The following RCC1 variants were observed in gnomAD, a reference collection of about 807,000 sequenced individuals.
The protein encoded by RCC1 is regulator of chromosome condensation.
A neutral mutation model predicts 44.4 loss-of-function variants in RCC1; 11 were observed. That is an observed-to-expected ratio of 0.25 (90% CI 0.16 to 0.41). RCC1 has a LOEUF of 0.41. Ranked by LOEUF, RCC1 falls within the 10% of genes least tolerant of loss-of-function variation. The pLI is 1.00. For synonymous variants in RCC1, 213 were observed against 216.5 expected (o/e 0.98, Z 0.14); for missense variants, 386 against 547.1 (o/e 0.71, Z 2.94).
chr1:28,513,576 G>A (rs1662688669), intron 3 of RCC1, among the ~76,000 whole-genome samples: 1 of 151,920 alleles, frequency 6.6e-6, no homozygotes, highest in Non-Finnish European at 1.5e-5. Flanking sequence ...GGAGTGTTTA[G>A]GCTATTTACT....
In RCC1 at chr1:28,536,905, TGGGGCTGCCTACACTCTGTCTAGTTGG is replaced by T. The variant is rs779453328; in HGVS notation, c.1090+8_1090+34del. The T allele has an allele frequency of 6.2e-7, 1 of 1,613,252 alleles. No homozygotes were observed. Among genetic ancestry groups the T allele is most frequent in the South Asian group, 1.1e-5 (1 of 91,026 alleles). Reference sequence around the variant, plus strand: ...GTATGCTGTGACCAAGGATGGTGAGTGGGGCTGCCTACACTCTGTCTAGTTGGGACCTGGGGGTCATGGTTCTTACCC... The same window carrying T: ...GTATGCTGTGACCAAGGATGGTGAGTGACCTGGGGGTCATGGTTCTTACCC... On this transcript the variant is annotated splice_region_variant and intron_variant, in intron 12 of 12. Transcript: ENST00000683442. The surrounding 1 kb of genome is among the most constrained non-coding windows in gnomAD (Gnocchi z 4.9).
At chr1:28,525,251 C>T (rs1290036495) in intron 4 of RCC1, among the ~76,000 whole-genome samples, 2 of 152,066 alleles carry the variant, frequency 1.3e-5, no homozygotes, top group African/African-American at 2.4e-5. Flanking sequence ...GGTCAGGGGT[C>T]GATCTTTAAC....
At chr1:28,528,459 A>G (rs543143702) in intron 4 of RCC1, among the ~76,000 whole-genome samples, 2 of 152,212 alleles carry the variant, frequency 1.3e-5, no homozygotes, top group South Asian at 4.1e-4. Flanking sequence ...CATTTCAAAA[A>G]AACAAAAACA....
chr1:28,512,922 G>A (rs1260209367), intron 3 of RCC1, among the ~76,000 whole-genome samples: 1 of 151,822 alleles, frequency 6.6e-6, no homozygotes, highest in Admixed American at 6.6e-5. Flanking sequence ...AGCGTCCCCA[G>A]CAGCTGGGAC....
chr1:28,507,153 T>A (rs981543614), intron 1 of RCC1: 8 of 294,732 alleles, frequency 2.7e-5, no homozygotes, highest in Non-Finnish European at 4.1e-5. Flanking sequence ...TCTTTGCTTC[T>A]GCGGTACCTT....
intron 4 of RCC1, among the ~76,000 whole-genome samples, chr1:28,520,745 C>T (rs1021974594): frequency 6.6e-6 from 1 of 152,100 alleles, no homozygotes; most frequent in South Asian, 2.1e-4. Flanking sequence ...AAAGCCAACT[C>T]CTTATTCCCA....
intron 3 of RCC1, among the ~76,000 whole-genome samples, chr1:28,512,221 T>TTACAGGCATGAG (rs1553211591): frequency 2.2e-5 from 3 of 138,802 alleles, no homozygotes. Flanking sequence ...CCTCAGGTGA[T>TTACAGGCATGAG]CCACCACGCC....
intron 4 of RCC1, among the ~76,000 whole-genome samples, chr1:28,525,958 G>A (rs935133670): frequency 6.6e-6 from 1 of 152,098 alleles, no homozygotes; most frequent in Admixed American, 6.6e-5. Context: ...TAGAGGCTTA[G>A]ACAACTTGAT....
chr1:28,535,642 A>C, intron 9 of RCC1: 1 of 757,824 alleles, frequency 1.3e-6, no homozygotes, highest in Non-Finnish European at 2.3e-6. Flanking sequence ...TAATGAGAAG[A>C]ATATCAGGCA....
At chr1:28,510,180 GGAGGTGGGT>G (rs1270564649) in intron 3 of RCC1, 7 of 152,394 alleles carry the variant, frequency 4.6e-5, no homozygotes, top group African/African-American at 1.7e-4. Context: ...CAGGTTTGAG[GGAGGTGGGT>G]GAGATTGGAG....
intron 2 of RCC1, chr1:28,508,541 T>C (rs1322675153): frequency 3.9e-6 from 2 of 515,466 alleles, no homozygotes; most frequent in East Asian, 1.1e-4. Context: ...TTACTCCAAT[T>C]CCTCACTAAT....
At chr1:28,527,879 C>G (rs937810384) in intron 4 of RCC1, among the ~76,000 whole-genome samples, 1 of 151,800 alleles carries the variant, frequency 6.6e-6, no homozygotes, top group Non-Finnish European at 1.5e-5. Context: ...CGTGGTGGCA[C>G]ATGCCTGTAA....
chr1:28,508,800 G>T (rs775396573), intron 2 of RCC1, 30 bp from the exon 3 acceptor site: 1 of 518,264 alleles, frequency 1.9e-6, no homozygotes, highest in Admixed American at 1.9e-5. Context: ...AGGATCTTCA[G>T]GAGTCTAATC....
chr1:28,525,041 G>A lies in RCC1; in HGVS notation c.-9-4817G>A, dbSNP rs180992719. On this transcript the variant is annotated intron_variant, in intron 4 of 12. Transcript: ENST00000683442. ...CACGTCTCCAAAAACTGAGCTCCCC[G>A]AGTGAGCAGTTCCTGTCCCTTTTAA... Among the ~76,000 whole-genome samples, 10 of 152,138 alleles carry A rather than the reference G, an allele frequency of 6.6e-5. No homozygotes were observed. The Middle Eastern group carries it at 0.01, about 155-fold the overall frequency.
At chr1:28,508,547 C>A (rs752337650) in intron 2 of RCC1, 2 of 516,910 alleles carry the variant, frequency 3.9e-6, no homozygotes, top group South Asian at 2.8e-5. Flanking sequence ...CAATTCCTCA[C>A]TAATGAGCAT....
chr1:28,513,151 T>G (rs1196295088), intron 3 of RCC1, among the ~76,000 whole-genome samples: 1 of 151,776 alleles, frequency 6.6e-6, no homozygotes, highest in Non-Finnish European at 1.5e-5. Flanking sequence ...TCACTGCAAC[T>G]TCTGCCTCCG....
intron 4 of RCC1, chr1:28,527,226 G>A (rs867271891): frequency 1.3e-5 from 10 of 784,962 alleles, no homozygotes; most frequent in African/African-American, 5.1e-5. Context: ...CAGCAGCCGC[G>A]ATCTTCAGTG....
intron 7 of RCC1, among the ~76,000 whole-genome samples, chr1:28,534,536 A>G (rs372875502): frequency 1.1e-4 from 16 of 152,106 alleles, no homozygotes; most frequent in African/African-American, 3.9e-4. Context: ...CCAGAGTGCA[A>G]TGGCATCGTC....
At chr1:28,512,515 T>A (rs1198242488) in intron 3 of RCC1, among the ~76,000 whole-genome samples, 1 of 152,188 alleles carries the variant, frequency 6.6e-6, no homozygotes, top group East Asian at 1.9e-4. Context: ...TTTGTTTTTA[T>A]CTTTATTATT....
Sources: allele counts gnomAD v4.1 joint callset (sites outside exome capture counted in the v4.1 genomes callset), GRCh38; gene constraint gnomAD v4.1.1; non-coding constraint Gnocchi (gnomAD v3.1); transcripts MANE v1.5; gene names NCBI Gene and HGNC (gene_info 2026-07-23, HGNC 2026-07-21).